The following SBNO2 variants were observed in gnomAD, a reference collection of about 807,000 sequenced individuals.
SBNO2 encodes the protein protein strawberry notch homolog 2.
SBNO2 carries 89 observed loss-of-function variants against 146.3 expected under a neutral mutation model. The ratio of observed to expected loss-of-function variants is 0.61; its 90% CI spans 0.51 to 0.73. SBNO2 has a LOEUF of 0.73. Among genes scored for constraint, SBNO2 ranks in the 30% least tolerant of loss-of-function variants. The probability of loss-of-function intolerance (pLI) is 0.00; values close to 1 mark genes in which losing one functional copy is unlikely to be tolerated. For synonymous variants in SBNO2, 1,147 were observed against 892.6 expected (o/e 1.29, Z -5.08); for missense variants, 2,092 against 2,003.7 (o/e 1.04, Z -0.84).
rs553369892 is a variant in SBNO2 at position 1,171,130 on chromosome 19, C to T, written c.-127+3042G>A. The stretch of plus-strand genomic sequence containing the variant: ...ACACACAAACACGGATGCACAGACA[C>T]GCACACAATGTGCACCCATAAAACA... On this transcript the variant is annotated intron_variant, in intron 1 of 31. Coordinates refer to ENST00000361757, the MANE Select transcript of SBNO2 (RefSeq NM_014963.3). Among the ~76,000 whole-genome samples the T allele has an allele frequency of 3.1e-4, 47 of 151,922 alleles. 1 individual carries two copies. The highest frequency in any genetic ancestry group is 1.1e-3 in the African/African-American group (44 of 41,400).
intron 10 of SBNO2, 91 bp downstream of exon 10, chr19:1,122,377 C>T: frequency 6.6e-7 from 1 of 1,517,242 alleles, no homozygotes; most frequent in Non-Finnish European, 8.9e-7. Flanking sequence ...GCAGAGCCTG[C>T]CCTGGCTGCT....
At chr19:1,132,914 T>C (rs928899472) in intron 4 of SBNO2, among the ~76,000 whole-genome samples, 2 of 152,174 alleles carry the variant, frequency 1.3e-5, no homozygotes, top group Non-Finnish European at 2.9e-5. Flanking sequence ...GAAAAGAACG[T>C]TCTCGCTTTG....
intron 1 of SBNO2, among the ~76,000 whole-genome samples, chr19:1,170,264 C>T (rs1370188295): frequency 2.0e-5 from 3 of 152,362 alleles, no homozygotes; most frequent in East Asian, 3.9e-4. Context: ...GGGCTGAGCC[C>T]TCTCCTGAGT....
At chr19:1,149,261 C>A (rs1039921721) in intron 3 of SBNO2, 108 bp downstream of exon 3, 3 of 1,048,850 alleles carry the variant, frequency 2.9e-6, no homozygotes, top group Non-Finnish European at 4.3e-6. Context: ...CTCCAAACCC[C>A]TCAACAAGAC....
chr19:1,140,336 G>A lies in SBNO2; in HGVS notation c.279+6973C>T, dbSNP rs1210835315. 6.6e-6 allele frequency among the ~76,000 whole-genome samples: 1 copy of A among 151,320 alleles called. No individual in the cohort carries two copies. Among genetic ancestry groups the A allele is most frequent in the African/African-American group, 2.4e-5 (1 of 41,194 alleles). On this transcript the variant is annotated intron_variant, in intron 4 of 31. Transcript: ENST00000361757. The surrounding 1 kb of genome is among the most constrained non-coding windows in gnomAD (Gnocchi z 4.4). ...AAAAGCAGCAGCAACACAGAGCCAC[G>A]TGTCCACAGAACCACGGTTCACCTG...
chr19:1,147,589 G>A lies in SBNO2; in HGVS notation c.168-169C>T, dbSNP rs569006675. On this transcript the variant is annotated intron_variant, in intron 3 of 31. Coordinates refer to ENST00000361757, the MANE Select transcript of SBNO2 (RefSeq NM_014963.3). The stretch of plus-strand genomic sequence containing the variant: ...CTGCACATACAGAGGGGCCTCCAGG[G>A]GGGTGGTGGTCAAGCCTGGGGCTGC... Among the ~76,000 whole-genome samples the A allele has an allele frequency of 1.2e-3, 183 of 152,088 alleles. 1 individual carries two copies. Among genetic ancestry groups the A allele is most frequent in the African/African-American group, 4.0e-3 (167 of 41,504 alleles).
chr19:1,127,535 G>A (rs776302527), intron 5 of SBNO2, 69 bp downstream of exon 5: 14 of 1,456,016 alleles, frequency 9.6e-6, no homozygotes, highest in African/African-American at 1.4e-5. Context: ...TCACTGGACC[G>A]TGTGGGTCCC....
chr19:1,119,565 C>G lies in SBNO2; in HGVS notation c.1324G>C (p.Gly442Arg). ...TCCTCAAAGTTCCGGAAGGGTGTGC[C>G]CTCGCCCCAGATACCCAAGCGGCTC... is the stretch of plus-strand genomic sequence containing the variant. Reference protein sequence around the residue: ...YMSRLGIWGEGTPFRNFEEFL... With the variant: ...YMSRLGIWGERTPFRNFEEFL... The change falls in exon 13 of 32, where the codon GGC (glycine) becomes CGC (arginine). Residue 442 changes from glycine to arginine, a missense_variant. Gly to Arg is a moderately radical substitution (Grantham distance 125). Coordinates refer to ENST00000361757, the MANE Select transcript of SBNO2 (RefSeq NM_014963.3). The G allele has an allele frequency of 6.2e-7, 1 of 1,611,660 alleles. No individual in the cohort carries two copies. The highest frequency in any genetic ancestry group is 8.5e-7 in the Non-Finnish European group (1 of 1,179,116).
In SBNO2 at chr19:1,110,439, C is replaced by T. The variant is rs2079742395; in HGVS notation, c.3028+306G>A. Among the ~76,000 whole-genome samples the T allele has an allele frequency of 6.6e-6, 1 of 151,940 alleles. No individual in the cohort carries two copies. The highest frequency in any genetic ancestry group is 2.1e-4 in the South Asian group (1 of 4,818). On this transcript the variant is annotated intron_variant, in intron 26 of 31. Transcript: ENST00000361757. This position sits in a 1 kb window ranked among gnomAD's most constrained non-coding sequence, Gnocchi z 4.9. Reference sequence around the variant, plus strand: ...CCCACGAGCCCTGTGCCTGCATCCGCCCAGTCTCACCCAGTACCCTCGCTC... The same window carrying T: ...CCCACGAGCCCTGTGCCTGCATCCGTCCAGTCTCACCCAGTACCCTCGCTC...
intron 4 of SBNO2, 38 bp downstream of exon 4, chr19:1,147,271 C>T: frequency 1.4e-6 from 2 of 1,401,126 alleles, no homozygotes; most frequent in South Asian, 2.4e-5. Context: ...AGACTCCACC[C>T]TGCCCCCCAC....
intron 12 of SBNO2, 60 bp from the exon 13 acceptor site, chr19:1,119,681 G>A (rs1422826410): frequency 7.0e-7 from 1 of 1,427,980 alleles, no homozygotes; most frequent in Admixed American, 1.9e-5. Flanking sequence ...CCGCGTCAGG[G>A]GACGACTAAG....
chr19:1,122,867 T>C, intron 8 of SBNO2, 27 bp downstream of exon 8: 3 of 1,539,596 alleles, frequency 1.9e-6, no homozygotes, highest in Non-Finnish European at 2.6e-6. Context: ...GGACACAGGC[T>C]GGGCTGGGTT....
chr19:1,157,824 CG>C lies in SBNO2; in HGVS notation c.-126-3423del, dbSNP rs2080306393. On this transcript the variant is annotated intron_variant, in intron 1 of 31. Coordinates refer to ENST00000361757, the MANE Select transcript of SBNO2 (RefSeq NM_014963.3). This position sits in a 1 kb window ranked among gnomAD's most constrained non-coding sequence, Gnocchi z 6.8. ...CCGCCTCCCAGCTCTCTCCTGAGTC[CG>C]GGTAACTGCGTCCGCCTCCCAGCTC... is the stretch of plus-strand genomic sequence containing the variant. Among the ~76,000 whole-genome samples, 1 of 151,002 alleles carries C rather than the reference CG, an allele frequency of 6.6e-6. No homozygotes were observed.
chr19:1,115,986 C>CA, intron 17 of SBNO2, 35 bp downstream of exon 17: 2 of 999,304 alleles, frequency 2.0e-6, no homozygotes, highest in Non-Finnish European at 2.4e-6. Flanking sequence ...AGCAGAGGGG[C>CA]AGGGGTGGGT....
rs944356529 is a variant in SBNO2, at chr19:1,136,583, C to T, written c.280-8818G>A. Among the ~76,000 whole-genome samples the T allele has an allele frequency of 6.6e-6, 1 of 152,202 alleles. No homozygotes were observed. Among genetic ancestry groups the T allele is most frequent in the African/African-American group, 2.4e-5 (1 of 41,460 alleles). ...GGGACAGAAGGTGGCTCTTCTTGGC[C>T]TTGGCTGGGTGTGAACCAAAGACTT... On this transcript the variant is annotated intron_variant, in intron 4 of 31. Coordinates refer to ENST00000361757, the MANE Select transcript of SBNO2 (RefSeq NM_014963.3). This position sits in a 1 kb window ranked among gnomAD's most constrained non-coding sequence, Gnocchi z 4.2.
chr19:1,111,349 T>C (rs2079757035), intron 24 of SBNO2, among the ~76,000 whole-genome samples, 157 bp downstream of exon 24: 1 of 152,116 alleles, frequency 6.6e-6, no homozygotes, highest in Non-Finnish European at 1.5e-5. Context: ...GGGGGCCGCC[T>C]TGGCTCCCTT....
At chr19:1,165,218 C>A (rs1599884543) in intron 1 of SBNO2, among the ~76,000 whole-genome samples, 1 of 152,178 alleles carries the variant, frequency 6.6e-6, no homozygotes, top group East Asian at 1.9e-4. Flanking sequence ...CAGGTCAGGG[C>A]TGCTCAGCTG....
intron 19 of SBNO2, among the ~76,000 whole-genome samples, 192 bp from the exon 20 acceptor site, chr19:1,113,141 T>C (rs2079787345): frequency 6.6e-6 from 1 of 152,144 alleles, no homozygotes; most frequent in African/African-American, 2.4e-5. Flanking sequence ...AGGCCTGGTA[T>C]TATCAGCCAG....
Position 1,154,253 on chromosome 19 carries a change from C to G in SBNO2, c.24G>C (p.Met8Ile), listed in dbSNP as rs2080268536. 2 of 1,269,580 alleles carry G rather than the reference C, an allele frequency of 1.6e-6. No homozygotes were observed. The highest frequency in any genetic ancestry group is 2.0e-6 in the Non-Finnish European group (2 of 1,006,512). The allele number at this position is 1,269,580 out of a possible 1,614,324, so 78.6% of individuals were successfully genotyped here. The change falls in exon 2 of 32, where the codon ATG becomes ATC. Residue 8 changes from methionine to isoleucine, a missense_variant. By Grantham distance (10) the Met-to-Ile change is conservative. Coordinates refer to ENST00000361757, the MANE Select transcript of SBNO2 (RefSeq NM_014963.3). MLAVGPA[M>I]DRDYPQHEPP... ...GTTCATGCTGCGGGTAATCCCTGTC[C>G]ATGGCGGGCCCCACTGCAAGCATCG...
Sources: allele counts gnomAD v4.1 joint callset (sites outside exome capture counted in the v4.1 genomes callset), GRCh38; gene constraint gnomAD v4.1.1; non-coding constraint Gnocchi (gnomAD v3.1); transcripts MANE v1.5; gene names NCBI Gene and HGNC (gene_info 2026-07-23, HGNC 2026-07-21).